Variants in AFG2B observed in about 807,000 individuals in gnomAD.
AFG2B encodes AAA ATPase AFG2B.
chr15:45,407,042 C>T, the AFG2B span: 35 of 1,289,050 alleles, frequency 2.7e-5, no homozygotes, highest in Middle Eastern at 6.4e-4. Flanking sequence ...CAGGTTTGAC[C>T]ATAAGCACCT....
At chr15:45,421,009 A>T in the AFG2B span, 1 of 1,594,488 alleles carries the variant, frequency 6.3e-7, no homozygotes. Context: ...AAAAAAGCAA[A>T]AGAAATTGTT....
the AFG2B span, among the ~76,000 whole-genome samples, chr15:45,408,246 G>A: frequency 6.6e-6 from 1 of 152,246 alleles, no homozygotes; most frequent in Non-Finnish European, 1.5e-5. Context: ...TAGGAAAGTT[G>A]CAAGATAGTT....
chr15:45,409,285 G>C, the AFG2B span, among the ~76,000 whole-genome samples: 1 of 150,744 alleles, frequency 6.6e-6, no homozygotes, highest in African/African-American at 2.4e-5. Context: ...GCTGAGGCAC[G>C]AGAATCATTT....
the AFG2B span, chr15:45,410,374 C>A: frequency 1.1e-5 from 17 of 1,612,012 alleles, no homozygotes; most frequent in Non-Finnish European, 1.4e-5. Flanking sequence ...TTCTTCAGAA[C>A]CAGGACAATC....
the AFG2B span, among the ~76,000 whole-genome samples, chr15:45,420,851 G>A: frequency 6.6e-6 from 1 of 152,088 alleles, no homozygotes; most frequent in African/African-American, 2.4e-5. Context: ...AATTAGTTGG[G>A]CGTGGTGGCA....
At chr15:45,421,096 A>G in the AFG2B span, 10 of 1,613,702 alleles carry the variant, frequency 6.2e-6, no homozygotes, top group Middle Eastern at 6.6e-4. Flanking sequence ...CAGTGAAACA[A>G]GAGCACTTTC....
At chr15:45,418,738 T>C in the AFG2B span, 20 of 1,595,630 alleles carry the variant, frequency 1.3e-5, no homozygotes, top group Non-Finnish European at 1.7e-5. Context: ...TCTTTTCAAA[T>C]CTTCATTCAC....
At chr15:45,410,406 TC>T in the AFG2B span, 2 of 1,613,872 alleles carry the variant, frequency 1.2e-6, no homozygotes, top group Non-Finnish European at 1.7e-6. Context: ...GAAATAGACT[TC>T]CTTGAAGCTT....
the AFG2B span, chr15:45,407,311 A>AT: frequency 9.7e-7 from 1 of 1,035,958 alleles, no homozygotes; most frequent in Non-Finnish European, 1.2e-6. Flanking sequence ...GGGATACCTT[A>AT]CACTTTGTTA....
At chr15:45,415,713 C>G in the AFG2B span, 1 of 1,613,982 alleles carries the variant, frequency 6.2e-7, no homozygotes, top group Non-Finnish European at 8.5e-7. Flanking sequence ...TTCTGTTCTC[C>G]TGAATGAATT....
At chr15:45,406,976 T>A in the AFG2B span, 1 of 1,248,758 alleles carries the variant, frequency 8.0e-7, no homozygotes. Flanking sequence ...AGACAATAAG[T>A]AAGCAGGAGA....
At chr15:45,409,303 G>A in the AFG2B span, among the ~76,000 whole-genome samples, 7 of 151,580 alleles carry the variant, frequency 4.6e-5, no homozygotes, top group African/African-American at 1.7e-4. Context: ...TTTGAACCCA[G>A]GAGGCGGAGG....
chr15:45,420,996 G>GA, the AFG2B span: 38 of 1,578,840 alleles, frequency 2.4e-5, no homozygotes, highest in East Asian at 2.3e-4. Context: ...CCATCTCAAA[G>GA]AAAAAAAAGC....
the AFG2B span, chr15:45,402,635 A>C: frequency 2.5e-6 from 4 of 1,577,712 alleles, no homozygotes; most frequent in Non-Finnish European, 3.4e-6. Flanking sequence ...GACGGAGCGG[A>C]CGGCTTTGTG....
At chr15:45,421,370 A>G in the AFG2B span, 1 of 452,742 alleles carries the variant, frequency 2.2e-6, no homozygotes, top group African/African-American at 2.1e-5. Flanking sequence ...GCTAAGGCTC[A>G]TTTATTTTTA....
the AFG2B span, among the ~76,000 whole-genome samples, chr15:45,405,913 G>T: frequency 2.6e-5 from 4 of 151,954 alleles, no homozygotes; most frequent in Non-Finnish European, 5.9e-5. Context: ...TGTAACATTT[G>T]CCACATTTGC....
chr15:45,407,851 A>G, the AFG2B span, among the ~76,000 whole-genome samples: 2 of 152,220 alleles, frequency 1.3e-5, no homozygotes, highest in African/African-American at 4.8e-5. Context: ...TTTTTAACTA[A>G]CAAAAAAAAA....
chr15:45,402,949 C>G, the AFG2B span: 35 of 1,597,422 alleles, frequency 2.2e-5, no homozygotes, highest in Non-Finnish European at 2.7e-5. Flanking sequence ...CAGTCCCGAT[C>G]CCGCTGGGCT....
At chr15:45,410,345 T>G in the AFG2B span, 1 of 1,598,938 alleles carries the variant, frequency 6.3e-7, no homozygotes, top group Non-Finnish European at 8.5e-7. Context: ...TTGGTTTGAT[T>G]TTGCTTTTTT....
Sources: gnomAD v4.1 joint callset for allele counts (sites outside exome capture counted in the v4.1 genomes callset) on GRCh38, gnomAD v4.1.1 for gene constraint, MANE v1.5 for transcripts, NCBI Gene and HGNC (gene_info 2026-07-23, HGNC 2026-07-21) for gene names.